Variants in RBMXL1 observed in about 807,000 individuals in gnomAD.
The protein encoded by RBMXL1 is RBMX like 1, also known as RNA binding motif protein, X-linked-like-1.
Under a neutral mutation model 29.0 loss-of-function variants are expected in RBMXL1, and 18 were observed. The observed-to-expected ratio is 0.62, with a 90% confidence interval of 0.43 to 0.92. The LOEUF is 0.92. Among genes scored for constraint, RBMXL1 ranks in the 40% least tolerant of loss-of-function variants. The pLI is 0.00. For missense variants in RBMXL1, 403 were observed against 495.8 expected (o/e 0.81, Z 1.78); for synonymous variants, 141 against 170.4 (o/e 0.83, Z 1.34).
rs1677120411 is a variant in RBMXL1, at chr1:88,982,124, C to G, written c.*530G>C. The G allele has an allele frequency of 1.0e-6, 1 of 982,488 alleles. No individual in the cohort carries two copies. 60.9% of individuals were successfully genotyped at this position (982,488 alleles called of 1,614,324 possible). ...TATCCATTTGCTTTTTTTGGGTTTA[C>G]TGGGTGAATAGCACTTTCCTTACAT... On this transcript the variant is annotated 3_prime_UTR_variant, in exon 3 of 3. Coordinates refer to ENST00000652648, the MANE Select transcript of RBMXL1 (RefSeq NM_001162536.3).
Position 88,979,548 on chromosome 1 carries a change from C to T in RBMXL1, c.*3106G>A, listed in dbSNP as rs1676971768. ...AATTAAAAGTGGGCAAAAGATTTGA[C>T]AGCCACTTCACAGAAAATATACAAC... On this transcript the variant is annotated 3_prime_UTR_variant, in exon 3 of 3. Transcript: ENST00000652648. The T allele has an allele frequency of 6.6e-6, 1 of 152,126 alleles. No individual in the cohort carries two copies. The highest frequency in any genetic ancestry group is 1.5e-5 in the Non-Finnish European group (1 of 68,024). 9.4% of individuals were successfully genotyped at this position (152,126 alleles called of 1,614,324 possible). A position where few individuals can be genotyped will look rare whatever the true frequency, so the allele number is the denominator to read the frequency against.
Position 88,983,432 on chromosome 1 carries a change from C to G in RBMXL1, c.395G>C (p.Gly132Ala), listed in dbSNP as rs140234698. Residue 132 changes from glycine (G) to alanine (A), a missense_variant, in exon 3 of 3, where the codon GGT becomes GCT. Gly to Ala is a moderately conservative substitution (Grantham distance 60). Coordinates refer to ENST00000652648, the MANE Select transcript of RBMXL1 (RefSeq NM_001162536.3). ...PPSRGGHMDD[G>A]GYSMNFNMSS... ...CATGTTAAAATTCATGGAATATCCA[C>G]CATCATCCATGTGTCCTCCTCGTGA... 6 of 1,614,072 alleles carry G rather than the reference C, an allele frequency of 3.7e-6. No homozygotes were observed. The highest frequency in any genetic ancestry group is 1.3e-5 in the African/African-American group (1 of 74,920).
At chr1:88,985,740 C>T (rs1225637265) in intron 2 of RBMXL1, among the ~76,000 whole-genome samples, 1 of 152,072 alleles carries the variant, frequency 6.6e-6, no homozygotes, top group Non-Finnish European at 1.5e-5. Context: ...TCATGGCATA[C>T]AATATATATA....
chr1:88,986,157 G>A (rs890569832), intron 2 of RBMXL1, among the ~76,000 whole-genome samples: 1 of 150,358 alleles, frequency 6.7e-6, no homozygotes, highest in African/African-American at 2.4e-5. Flanking sequence ...CTCCAGCCTG[G>A]GCGGCAAGAG....
rs567391476 is a variant in RBMXL1, at chr1:88,982,038, G to T, written c.*616C>A. The T allele has an allele frequency of 1.0e-6, 1 of 979,126 alleles. No individual in the cohort carries two copies. The highest frequency in any genetic ancestry group is 1.8e-5 in the African/African-American group (1 of 56,818). The allele number at this position is 979,126 out of a possible 1,614,324, so 60.7% of individuals were successfully genotyped here. A position where few individuals can be genotyped will look rare whatever the true frequency, so the allele number is the denominator to read the frequency against. On this transcript the variant is annotated 3_prime_UTR_variant, in exon 3 of 3. Coordinates refer to ENST00000652648, the MANE Select transcript of RBMXL1 (RefSeq NM_001162536.3). ...CACTTAAATGGTCTTATTGTGGGAG[G>T]GGAAAGGGGAGGTTCTTGCAGATTC...
chr1:88,982,897 A>G lies in RBMXL1; in HGVS notation c.930T>C (p.Tyr310=). 1 of 1,614,026 alleles carries G rather than the reference A, an allele frequency of 6.2e-7. No homozygotes were observed. Among genetic ancestry groups the G allele is most frequent in the Non-Finnish European group, 8.5e-7 (1 of 1,179,880 alleles). The change falls in exon 3 of 3, where the codon TAT becomes TAC. Residue 310 remains tyrosine, a synonymous_variant. Transcript: ENST00000652648. ...CATCACGTGAGCTGCTATAATCATC[A>G]TAGCGACTGCTTCCACCATAAGATG... is the stretch of plus-strand genomic sequence containing the variant. ...PPPSYGGSSR[Y]DDYSSSRDGY...
chr1:88,979,808 A>C lies in RBMXL1; in HGVS notation c.*2846T>G, dbSNP rs1676988318. The C allele has an allele frequency of 6.6e-6, 1 of 152,226 alleles. No homozygotes were observed. The highest frequency in any genetic ancestry group is 2.4e-5 in the African/African-American group (1 of 41,458). The allele number at this position is 152,226 out of a possible 1,614,324, so 9.4% of individuals were successfully genotyped here. A position where few individuals can be genotyped will look rare whatever the true frequency, so the allele number is the denominator to read the frequency against. On this transcript the variant is annotated 3_prime_UTR_variant, in exon 3 of 3. Coordinates refer to ENST00000652648, the MANE Select transcript of RBMXL1 (RefSeq NM_001162536.3). ...ATCTGCCATGCAACCCAACCATTTT[A>C]CTGGTAGGTATTTACCCAAGAGAAA...
chr1:88,990,248 CTTTG>C (rs2101105180), intron 1 of RBMXL1, among the ~76,000 whole-genome samples: 2 of 120,388 alleles, frequency 1.7e-5, no homozygotes, highest in East Asian at 5.2e-4. Context: ...GCATATTCAA[CTTTG>C]TTTGTCTCTC....
At chr1:88,986,302 TTA>T (rs1677452024) in intron 2 of RBMXL1, among the ~76,000 whole-genome samples, 1 of 150,762 alleles carries the variant, frequency 6.6e-6, no homozygotes, top group South Asian at 2.1e-4. Flanking sequence ...CATTTAAATT[TTA>T]GACTCTCTTA....
rs111561056 is a variant in RBMXL1 at position 88,982,149 on chromosome 1, T to C, written c.*505A>G. On this transcript the variant is annotated 3_prime_UTR_variant, in exon 3 of 3. Coordinates refer to ENST00000652648, the MANE Select transcript of RBMXL1 (RefSeq NM_001162536.3). The stretch of plus-strand genomic sequence containing the variant: ...CTGGGTGAATAGCACTTTCCTTACA[T>C]AGGCATCTGATTTCAGGTTTTGCAT... 6,865 of 945,952 alleles carry C rather than the reference T, an allele frequency of 7.3e-3. 27 individuals are homozygous for C. Among genetic ancestry groups the C allele is most frequent in the Non-Finnish European group, 8.2e-3 (6,526 of 792,742 alleles). The allele number at this position is 945,952 out of a possible 1,614,324, so 58.6% of individuals were successfully genotyped here. A position where few individuals can be genotyped will look rare whatever the true frequency, so the allele number is the denominator to read the frequency against.
intron 2 of RBMXL1, among the ~76,000 whole-genome samples, 188 bp from the exon 3 acceptor site, chr1:88,984,254 G>A (rs934008961): frequency 1.8e-5 from 2 of 112,144 alleles, no homozygotes; most frequent in African/African-American, 3.5e-5. Context: ...TCACAGTGTT[G>A]CCCAGGCTGG....
chr1:88,992,353 G>A (rs1437299909), intron 1 of RBMXL1, among the ~76,000 whole-genome samples: 1 of 152,222 alleles, frequency 6.6e-6, no homozygotes, highest in Non-Finnish European at 1.5e-5. Context: ...GAGTAAAAGC[G>A]CCAAGACGGT....
chr1:88,990,255 T>C (rs1194142321), intron 1 of RBMXL1, among the ~76,000 whole-genome samples: 1 of 107,428 alleles, frequency 9.3e-6, no homozygotes, highest in Non-Finnish European at 1.7e-5. Context: ...CAACTTTGTT[T>C]GTCTCTCCCG....
intron 1 of RBMXL1, among the ~76,000 whole-genome samples, chr1:88,991,740 C>A (rs1313513250): frequency 6.6e-6 from 1 of 152,242 alleles, no homozygotes; most frequent in Non-Finnish European, 1.5e-5. Context: ...GAAAGCAGTG[C>A]GGCTGCCTGG....
rs369170630 is a variant in RBMXL1, at chr1:88,983,698, A to C, written c.129T>G (p.Arg43=). Reference sequence around the variant, plus strand: ...CAAATCCTCTTGATTTGTTGGTTTCACGGTCTTTTATCAAGAGTACTTCCA... The same window carrying C: ...CAAATCCTCTTGATTTGTTGGTTTCCCGGTCTTTTATCAAGAGTACTTCCA... The part of the protein sequence containing the change: ...RIVEVLLIKD[R]ETNKSRGFAF... Residue 43 remains arginine (R), a synonymous_variant, in exon 3 of 3, where the codon CGT becomes CGG. Transcript: ENST00000652648. 2 of 1,613,882 alleles carry C rather than the reference A, an allele frequency of 1.2e-6. No homozygotes were observed. Among genetic ancestry groups the C allele is most frequent in the African/African-American group, 2.7e-5 (2 of 75,072 alleles).
rs1677011501 is a variant in RBMXL1, at chr1:88,980,186, T to A, written c.*2468A>T. 1 of 152,420 alleles carries A rather than the reference T, an allele frequency of 6.6e-6. No individual in the cohort carries two copies. 9.4% of individuals were successfully genotyped at this position (152,420 alleles called of 1,614,324 possible). On this transcript the variant is annotated 3_prime_UTR_variant, in exon 3 of 3. Coordinates refer to ENST00000652648, the MANE Select transcript of RBMXL1 (RefSeq NM_001162536.3). ...ATGGACTGCAAAGGAACTTGAGGAA[T>A]CTTTTGGGGGCGATGGAAGTGTTCT... is the stretch of plus-strand genomic sequence containing the variant.
rs1677086288 is a variant in RBMXL1, at chr1:88,981,467, C to G, written c.*1187G>C. ...CTTACCAATTTCCTTAATTACTTCCCCTTTTCCATTTGGTCAATTACTTAA... is the reference window on the plus strand; with the variant it reads ...CTTACCAATTTCCTTAATTACTTCCGCTTTTCCATTTGGTCAATTACTTAA... On this transcript the variant is annotated 3_prime_UTR_variant, in exon 3 of 3. Coordinates refer to ENST00000652648, the MANE Select transcript of RBMXL1 (RefSeq NM_001162536.3). 1 of 154,210 alleles carries G rather than the reference C, an allele frequency of 6.5e-6. No homozygotes were observed. 9.6% of individuals were successfully genotyped at this position (154,210 alleles called of 1,614,324 possible). A position where few individuals can be genotyped will look rare whatever the true frequency, so the allele number is the denominator to read the frequency against.
At chr1:88,984,408 T>C (rs558544043) in intron 2 of RBMXL1, among the ~76,000 whole-genome samples, 1 of 152,248 alleles carries the variant, frequency 6.6e-6, no homozygotes, top group Admixed American at 6.5e-5. Flanking sequence ...GAGCAGGGTT[T>C]CACCATGTTG....
At chr1:88,984,663 T>C (rs1174786244) in intron 2 of RBMXL1, among the ~76,000 whole-genome samples, 2 of 152,192 alleles carry the variant, frequency 1.3e-5, no homozygotes, top group Non-Finnish European at 2.9e-5. Flanking sequence ...AGATAATGTA[T>C]TTGGGGAAAA....
Sources: gnomAD v4.1 joint callset for allele counts (sites outside exome capture counted in the v4.1 genomes callset) on GRCh38, gnomAD v4.1.1 for gene constraint, MANE v1.5 for transcripts, NCBI Gene and HGNC (gene_info 2026-07-23, HGNC 2026-07-21) for gene names.